SH2B2: variants seen among roughly 807,000 people sequenced by gnomAD.
SH2B2 encodes the protein SH2B adapter protein 2.
SH2B2 carries 37 observed loss-of-function variants against 35.7 expected under a neutral mutation model. That is an observed-to-expected ratio of 1.04 (90% CI 0.80 to 1.36). SH2B2 has a LOEUF of 1.36. Ranked by LOEUF, SH2B2 falls within the 40% of genes most tolerant of loss-of-function variation. SH2B2 has a pLI of 0.00. For synonymous variants in SH2B2, 383 were observed against 376.4 expected (o/e 1.02, Z -0.20); for missense variants, 852 against 817.7 (o/e 1.04, Z -0.51).
At chr7:102,288,191 C>T (rs1397505771) in intron 1 of SH2B2, among the ~76,000 whole-genome samples, 6 of 152,060 alleles carry the variant, frequency 3.9e-5, no homozygotes, top group African/African-American at 1.4e-4. Flanking sequence ...GCTGAAGCCC[C>T]CACTACTGTG....
chr7:102,317,524 G>A (rs533705835), intron 7 of SH2B2, 129 bp downstream of exon 7: 14 of 837,644 alleles, frequency 1.7e-5, no homozygotes, highest in East Asian at 1.1e-4. Flanking sequence ...GACTTCCCAC[G>A]GGCCCCACTC....
rs1793159424 is a variant in SH2B2 at position 102,301,050 on chromosome 7, G to C, written c.500G>C (p.Arg167Pro). Residue 167 changes from arginine to proline, a missense_variant, in exon 2 of 9, where the codon CGC becomes CCC. By Grantham distance (103) the Arg-to-Pro change is moderately radical (BLOSUM62 -2). Transcript: ENST00000444095. ...SPEPDAAAAPRTAEPRDKWTR... is the reference protein window; with the variant it reads ...SPEPDAAAAPPTAEPRDKWTR... The stretch of plus-strand genomic sequence containing the variant: ...GAGCCCGACGCGGCAGCTGCCCCGC[G>C]CACCGCCGAGCCCCGCGACAAGTGG... 2.9e-6 allele frequency: 4 copies of C among 1,368,850 alleles called. No homozygotes were observed. Among genetic ancestry groups the C allele is most frequent in the Non-Finnish European group, 3.8e-6 (4 of 1,065,374 alleles). 84.8% of individuals were successfully genotyped at this position (1,368,850 alleles called of 1,614,324 possible).
Position 102,297,379 on chromosome 7 carries a change from G to A in SH2B2, c.-29-3143G>A. Among the ~76,000 whole-genome samples the A allele has an allele frequency of 6.7e-6, 1 of 149,170 alleles. No homozygotes were observed. The highest frequency in any genetic ancestry group is 2.0e-4 in the East Asian group (1 of 5,070). On this transcript the variant is annotated intron_variant, in intron 1 of 8. Transcript: ENST00000444095. This position sits in a 1 kb window ranked among gnomAD's most constrained non-coding sequence, Gnocchi z 4.3. The stretch of plus-strand genomic sequence containing the variant: ...GTTCAAGACCAGCCTCATCAATAGA[G>A]TGAGATCCCATCTCTACACACACAC...
chr7:102,298,137 A>G (rs1011264676), intron 1 of SH2B2, among the ~76,000 whole-genome samples: 3 of 152,200 alleles, frequency 2.0e-5, no homozygotes, highest in Non-Finnish European at 2.9e-5. Context: ...AAACAGAGGC[A>G]GATTATGTCA....
chr7:102,292,946 G>A (rs1792732404), intron 1 of SH2B2, among the ~76,000 whole-genome samples: 1 of 152,116 alleles, frequency 6.6e-6, no homozygotes. Context: ...TGGGACCACT[G>A]ACCATCCCTC....
chr7:102,310,403 TGAG>T (rs1221930620), intron 4 of SH2B2, among the ~76,000 whole-genome samples: 11 of 152,016 alleles, frequency 7.2e-5, no homozygotes, highest in African/African-American at 1.9e-4. Context: ...GGGTAGCCAG[TGAG>T]GAGGAGATTT....
At chr7:102,311,257 ATTT>A (rs782006002) in intron 4 of SH2B2, among the ~76,000 whole-genome samples, 1 of 140,854 alleles carries the variant, frequency 7.1e-6, no homozygotes. Context: ...GACTGGCTTA[ATTT>A]TTTTTTTTTT....
chr7:102,290,238 C>T (rs1792621887), intron 1 of SH2B2, among the ~76,000 whole-genome samples: 1 of 52,394 alleles, frequency 1.9e-5, no homozygotes, highest in Non-Finnish European at 3.9e-5. Context: ...GCTCCATACC[C>T]CCCTTTTTTT....
At position 102,301,056 on chromosome 7, in the gene SH2B2, C is replaced by T. The variant is rs1554553707; in HGVS notation, c.506C>T (p.Ala169Val). The T allele has an allele frequency of 6.5e-6, 9 of 1,376,946 alleles. No homozygotes were observed. In the South Asian group the frequency reaches 1.4e-4, roughly 22 times the overall value. 85.3% of individuals were successfully genotyped at this position (1,376,946 alleles called of 1,614,324 possible). The change falls in exon 2 of 9, where the codon GCC (alanine) becomes GTC (valine). Residue 169 changes from alanine (A) to valine (V), a missense_variant. Coordinates refer to ENST00000444095, the MANE Select transcript of SH2B2 (RefSeq NM_001359228.2). Reference protein sequence around the residue: ...EPDAAAAPRTAEPRDKWTRRL... With the variant: ...EPDAAAAPRTVEPRDKWTRRL... ...GACGCGGCAGCTGCCCCGCGCACCG[C>T]CGAGCCCCGCGACAAGTGGACGCGG...
At chr7:102,303,359 C>A (rs1005184049) in intron 2 of SH2B2, among the ~76,000 whole-genome samples, 4 of 152,082 alleles carry the variant, frequency 2.6e-5, no homozygotes, top group African/African-American at 7.2e-5. Context: ...GACAGCACCC[C>A]CAGGGACCAC....
chr7:102,302,033 T>C (rs782615489), intron 2 of SH2B2, among the ~76,000 whole-genome samples: 1 of 152,234 alleles, frequency 6.6e-6, no homozygotes, highest in Non-Finnish European at 1.5e-5. Context: ...TAATGTTTTT[T>C]ATTTTTCGTA....
At chr7:102,291,995 T>C (rs1350047454) in intron 1 of SH2B2, among the ~76,000 whole-genome samples, 1 of 151,292 alleles carries the variant, frequency 6.6e-6, no homozygotes, top group Admixed American at 6.6e-5. Flanking sequence ...AACAGCAGGA[T>C]TGAAGGAGCC....
chr7:102,295,102 G>C (rs34707892), intron 1 of SH2B2, among the ~76,000 whole-genome samples: 15,933 of 152,226 alleles, frequency 0.1, 1,002 homozygotes, highest in Middle Eastern at 0.21. Context: ...CCCCATCTCT[G>C]TGCCTTCTCC....
intron 1 of SH2B2, among the ~76,000 whole-genome samples, chr7:102,294,228 A>G (rs1184948529): frequency 6.6e-6 from 1 of 152,048 alleles, no homozygotes; most frequent in Non-Finnish European, 1.5e-5. Context: ...GGGTTTCACC[A>G]TGTTGCCCAG....
At chr7:102,289,356 G>C (rs904681916) in intron 1 of SH2B2, among the ~76,000 whole-genome samples, 1 of 152,154 alleles carries the variant, frequency 6.6e-6, no homozygotes, top group African/African-American at 2.4e-5. Context: ...GGTGGAGGTG[G>C]GAAGAGGATC....
upstream of SH2B2, chr7:102,286,766 G>GGGGGCGGGAA (rs1792464553): frequency 2.2e-5 from 3 of 137,572 alleles, no homozygotes. Flanking sequence ...GGGGGCGGGA[G>GGGGGCGGGAA]GGGGCGGGGC....
At chr7:102,291,735 G>C (rs1247997001) in intron 1 of SH2B2, among the ~76,000 whole-genome samples, 1 of 152,228 alleles carries the variant, frequency 6.6e-6, no homozygotes, top group East Asian at 1.9e-4. Flanking sequence ...CTCTGCGGAG[G>C]TGAGCAGTAA....
intron 7 of SH2B2, among the ~76,000 whole-genome samples, chr7:102,317,821 G>A (rs761368516): frequency 2.7e-4 from 41 of 152,138 alleles, no homozygotes; most frequent in Non-Finnish European, 5.1e-4. Context: ...CTGCCCCACC[G>A]ACCTCAGACA....
In SH2B2 at chr7:102,321,447, G is replaced by C. The variant is rs1204682314; in HGVS notation, c.1716G>C (p.Ser572=). 4.7e-6 allele frequency: 6 copies of C among 1,270,728 alleles called. No homozygotes were observed. The highest frequency in any genetic ancestry group is 8.3e-5 in the Admixed American group (2 of 24,042). 78.7% of individuals were successfully genotyped at this position (1,270,728 alleles called of 1,614,324 possible). ...DAAGASSSSA[S]SSSAASGPAP... is the part of the protein sequence containing the mutation. ...CCGGCGCCTCCTCGTCTTCCGCCTC[G>C]TCGTCCTCTGCCGCGTCGGGGCCCG... The change falls in exon 9 of 9, where the codon TCG becomes TCC. Residue 572 remains serine, a synonymous_variant. Coordinates refer to ENST00000444095, the MANE Select transcript of SH2B2 (RefSeq NM_001359228.2).
Sources: allele counts gnomAD v4.1 joint callset (sites outside exome capture counted in the v4.1 genomes callset), GRCh38; gene constraint gnomAD v4.1.1; non-coding constraint Gnocchi (gnomAD v3.1); transcripts MANE v1.5; gene names NCBI Gene and HGNC (gene_info 2026-07-23, HGNC 2026-07-21).